Variants in RGS10 observed in about 807,000 individuals in gnomAD.
RGS10 encodes regulator of G protein signaling 10, also known as regulator of G-protein signalling 10.
RGS10 carries 11 observed loss-of-function variants against 23.5 expected under a neutral mutation model. The observed-to-expected ratio is 0.47, with a 90% CI of 0.29 to 0.77. The LOEUF (loss-of-function observed/expected upper bound fraction) is 0.77. Among genes scored for constraint, RGS10 ranks in the 30% least tolerant of loss-of-function variants. The pLI is 0.08. For missense variants in RGS10, 180 were observed against 226.3 expected, an observed-to-expected ratio of 0.80 and a Z score of 1.31; for synonymous variants, 77 against 83.2, an observed-to-expected ratio of 0.92 and a Z score of 0.41.
rs1277540820 is a variant in RGS10 at position 119,527,808 on chromosome 10, A to ACTTAGAATTATGGTG, written c.50-399_50-385dup. ...CTTCCCCATGGCGCTTTGTGCACAG[A>ACTTAGAATTATGGTG]CTTAGAATTATGGTGCTGTGTTGTG... is the stretch of plus-strand genomic sequence containing the variant. On this transcript the variant is annotated intron_variant, in intron 1 of 4. Coordinates refer to ENST00000369103, the MANE Select transcript of RGS10 (RefSeq NM_001005339.2). This position sits in a 1 kb window ranked among gnomAD's most constrained non-coding sequence, Gnocchi z 4.2. Among the ~76,000 whole-genome samples the ACTTAGAATTATGGTG allele has an allele frequency of 6.6e-6, 1 of 152,114 alleles. No individual in the cohort carries two copies. The highest frequency in any genetic ancestry group is 1.5e-5 in the Non-Finnish European group (1 of 68,032).
rs1403444262 is a variant in RGS10, at chr10:119,538,942, C to A, written c.49+3648G>T. Reference sequence around the variant, plus strand: ...CAGGGAGGGAAGTGACTCAGTTCACCCAGGAAGCCCTAGGAAATGGCCATG... The same window carrying A: ...CAGGGAGGGAAGTGACTCAGTTCACACAGGAAGCCCTAGGAAATGGCCATG... On this transcript the variant is annotated intron_variant, in intron 1 of 4. Coordinates refer to ENST00000369103, the MANE Select transcript of RGS10 (RefSeq NM_001005339.2). This position sits in a 1 kb window ranked among gnomAD's most constrained non-coding sequence, Gnocchi z 4.5. Among the ~76,000 whole-genome samples, 1 of 152,134 alleles carries A rather than the reference C, an allele frequency of 6.6e-6. No homozygotes were observed. Among genetic ancestry groups the A allele is most frequent in the Admixed American group, 6.5e-5 (1 of 15,280 alleles).
chr10:119,536,284 C>A (rs1314556872), intron 1 of RGS10, among the ~76,000 whole-genome samples: 1 of 152,198 alleles, frequency 6.6e-6, no homozygotes, highest in Non-Finnish European at 1.5e-5. Context: ...GAAAGGGCAT[C>A]GTGGCGTTTT....
chr10:119,521,093 AG>A (rs1446693136), intron 3 of RGS10, among the ~76,000 whole-genome samples: 1 of 152,172 alleles, frequency 6.6e-6, no homozygotes, highest in East Asian at 1.9e-4. Flanking sequence ...GATCCTGACC[AG>A]GTGGAGTGGC....
At chr10:119,540,578 T>C (rs1016283500) in intron 1 of RGS10, among the ~76,000 whole-genome samples, 4 of 152,216 alleles carry the variant, frequency 2.6e-5, no homozygotes, top group Non-Finnish European at 5.9e-5. Context: ...GTCAGTGATG[T>C]AACCACATTT....
chr10:119,516,984 G>A (rs1170620244), intron 3 of RGS10, among the ~76,000 whole-genome samples: 1 of 152,206 alleles, frequency 6.6e-6, no homozygotes, highest in Non-Finnish European at 1.5e-5. Context: ...CCTCTAAAAT[G>A]CAGCCACACA....
chr10:119,514,657 TAAAA>T (rs59322683), intron 4 of RGS10, among the ~76,000 whole-genome samples: 25 of 141,774 alleles, frequency 1.8e-4, no homozygotes, highest in East Asian at 2.0e-4. Flanking sequence ...GACTCGGTAT[TAAAA>T]AAAAAAAAAA....
intron 4 of RGS10, among the ~76,000 whole-genome samples, chr10:119,504,053 G>C (rs532852553): frequency 1.3e-5 from 2 of 152,310 alleles, no homozygotes; most frequent in African/African-American, 4.8e-5. Flanking sequence ...TCTGCCACTC[G>C]CATGGCAGGA....
At chr10:119,514,069 G>GT (rs1844111435) in intron 4 of RGS10, among the ~76,000 whole-genome samples, 1 of 152,224 alleles carries the variant, frequency 6.6e-6, no homozygotes, top group African/African-American at 2.4e-5. Context: ...CTAAATGGTA[G>GT]TTAGGGCCAG....
chr10:119,506,945 C>T (rs904482997), intron 4 of RGS10, among the ~76,000 whole-genome samples: 5 of 152,154 alleles, frequency 3.3e-5, no homozygotes, highest in Admixed American at 1.3e-4. Context: ...GTCATCCTCC[C>T]GCCTCAGCCA....
rs564598747 is a variant in RGS10 at position 119,542,212 on chromosome 10, C to T, written c.49+378G>A. Among the ~76,000 whole-genome samples the T allele has an allele frequency of 5.3e-5, 8 of 152,352 alleles. No individual in the cohort carries two copies. In the South Asian group the frequency reaches 1.7e-3, roughly 32 times the overall value. Reference sequence around the variant, plus strand: ...CGCTCGGCATCCTTCCACCCACGCCCGCAGCGGAGGCGGAGAGCGTCACGG... The same window carrying T: ...CGCTCGGCATCCTTCCACCCACGCCTGCAGCGGAGGCGGAGAGCGTCACGG... On this transcript the variant is annotated intron_variant, in intron 1 of 4. Coordinates refer to ENST00000369103, the MANE Select transcript of RGS10 (RefSeq NM_001005339.2).
chr10:119,527,651 C>T lies in RGS10; in HGVS notation c.50-227G>A, dbSNP rs1364345506. Among the ~76,000 whole-genome samples, 1 of 152,134 alleles carries T rather than the reference C, an allele frequency of 6.6e-6. No individual in the cohort carries two copies. The highest frequency in any genetic ancestry group is 1.5e-5 in the Non-Finnish European group (1 of 68,024). On this transcript the variant is annotated intron_variant, in intron 1 of 4. Transcript: ENST00000369103. The surrounding 1 kb of genome is among the most constrained non-coding windows in gnomAD (Gnocchi z 4.2). ...TTACAGATGGGGGTAAACTGAGGCT[C>T]GGAGGGATGAAGGGACCTGCTGTTT...
chr10:119,514,051 G>A (rs868860547), intron 4 of RGS10, among the ~76,000 whole-genome samples: 3 of 152,184 alleles, frequency 2.0e-5, no homozygotes, highest in Non-Finnish European at 2.9e-5. Context: ...AGGCTCAAAC[G>A]GGCAGTCCTA....
At chr10:119,534,019 C>T (rs1443780741) in intron 1 of RGS10, among the ~76,000 whole-genome samples, 2 of 151,848 alleles carry the variant, frequency 1.3e-5, no homozygotes, top group Non-Finnish European at 2.9e-5. Context: ...CTTTGGGAGG[C>T]CGAGGTGGGT....
Position 119,500,118 on chromosome 10 carries a change from T to C in RGS10, c.541A>G (p.Thr181Ala). The C allele has an allele frequency of 6.2e-7, 1 of 1,613,212 alleles. No individual in the cohort carries two copies. The highest frequency in any genetic ancestry group is 1.1e-5 in the South Asian group (1 of 90,696). ...AAKRASRIYNT is the reference protein window; with the variant it reads ...AAKRASRIYNA ...AGTCCCGGCTTTTTGGGGGCTCATG[T>C]GTTATAAATTCTGGAAGCTCTTTTA... Residue 181 changes from threonine to alanine, a missense_variant, in exon 5 of 5, where the codon ACA (threonine) becomes GCA (alanine). Coordinates refer to ENST00000369103, the MANE Select transcript of RGS10 (RefSeq NM_001005339.2).
chr10:119,537,764 AGACTAG>A (rs1473776412), intron 1 of RGS10, among the ~76,000 whole-genome samples: 1 of 152,236 alleles, frequency 6.6e-6, no homozygotes, highest in Non-Finnish European at 1.5e-5. Flanking sequence ...ACGAGAAGGA[AGACTAG>A]GAAATATTTA....
intron 3 of RGS10, among the ~76,000 whole-genome samples, chr10:119,520,781 C>A (rs1389057760): frequency 1.1e-4 from 16 of 139,792 alleles, no homozygotes; most frequent in African/African-American, 4.1e-4. Context: ...ATAGGAGGAT[C>A]TGAAGATGTA....
chr10:119,503,730 C>T (rs1465780431), intron 4 of RGS10, among the ~76,000 whole-genome samples: 3 of 152,118 alleles, frequency 2.0e-5, no homozygotes, highest in Non-Finnish European at 2.9e-5. Flanking sequence ...CTCCTGAGGC[C>T]GCTGTCCTCG....
At chr10:119,505,569 C>A (rs939959371) in intron 4 of RGS10, among the ~76,000 whole-genome samples, 7 of 152,186 alleles carry the variant, frequency 4.6e-5, no homozygotes, top group Non-Finnish European at 8.8e-5. Flanking sequence ...ACCAAGCCAC[C>A]TCCTCTCCAG....
At chr10:119,541,593 A>C (rs191589315) in intron 1 of RGS10, among the ~76,000 whole-genome samples, 1 of 152,252 alleles carries the variant, frequency 6.6e-6, no homozygotes, top group East Asian at 1.9e-4. Flanking sequence ...CCCTCATAAA[A>C]TACCAGGAGC....
Sources: gnomAD v4.1 joint callset for allele counts (sites outside exome capture counted in the v4.1 genomes callset) on GRCh38, gnomAD v4.1.1 for gene constraint, Gnocchi (gnomAD v3.1) non-coding constraint, MANE v1.5 for transcripts, NCBI Gene and HGNC (gene_info 2026-07-23, HGNC 2026-07-21) for gene names.